NDST3: variants seen among roughly 807,000 people sequenced by gnomAD.
NDST3 encodes N-deacetylase and N-sulfotransferase 3, also known as bifunctional heparan sulfate N-deacetylase/N-sulfotransferase 3.
In NDST3, 58 loss-of-function variants were observed where a neutral mutation model predicts 96.1. The observed-to-expected ratio is 0.60, with a 90% confidence interval of 0.49 to 0.75. NDST3 has a LOEUF of 0.75. Among genes scored for constraint, NDST3 ranks in the 30% least tolerant of loss-of-function variants. The probability of loss-of-function intolerance (pLI) is 0.00; values close to 1 mark genes in which losing one functional copy is unlikely to be tolerated. For synonymous variants in NDST3, 333 were observed against 359.7 expected, an observed-to-expected ratio of 0.93 and a Z score of 0.84; for missense variants, 788 against 1,034.2, an observed-to-expected ratio of 0.76 and a Z score of 3.27.
chr4:118,131,749 C>T (rs1732634223), intron 4 of NDST3, among the ~76,000 whole-genome samples: 1 of 151,826 alleles, frequency 6.6e-6, no homozygotes, highest in Non-Finnish European at 1.5e-5. Flanking sequence ...GAAGGCTTTT[C>T]AGATATTTGA....
At chr4:118,137,937 C>T in intron 4 of NDST3, 117 bp from the exon 5 acceptor site, 1 of 866,710 alleles carries the variant, frequency 1.2e-6, no homozygotes, top group Non-Finnish European at 1.7e-6. Context: ...TTTTACCACA[C>T]AATTAAGTAA....
chr4:118,107,086 T>C (rs1380044221), intron 3 of NDST3, among the ~76,000 whole-genome samples: 4 of 148,550 alleles, frequency 2.7e-5, no homozygotes, highest in African/African-American at 7.4e-5. Context: ...CGAGACTCCA[T>C]CTCAAAATAA....
rs143310405 is a variant in NDST3, at chr4:118,157,960, T to C, written c.1539+14276T>C. On this transcript the variant is annotated intron_variant, in intron 6 of 13. Transcript: ENST00000296499. ...AAGTCTGCATGGAAAATATAAACTT[T>C]ATTAATAAATTTTTGTTGAATTATG... 3.4e-3 allele frequency among the ~76,000 whole-genome samples: 516 copies of C among 152,274 alleles called. 2 individuals are homozygous for C. The highest frequency in any genetic ancestry group is 0.011 in the African/African-American group (473 of 41,560).
intron 2 of NDST3, among the ~76,000 whole-genome samples, chr4:118,102,289 A>G (rs1461844864): frequency 6.6e-6 from 1 of 152,060 alleles, no homozygotes; most frequent in Non-Finnish European, 1.5e-5. Flanking sequence ...GTAGACATCT[A>G]TGTTCTTAGG....
intron 12 of NDST3, among the ~76,000 whole-genome samples, chr4:118,246,270 C>A (rs1741302084): frequency 6.6e-6 from 1 of 152,152 alleles, no homozygotes; most frequent in Non-Finnish European, 1.5e-5. Flanking sequence ...TCCATTCTCA[C>A]GCTGCTATGA....
At chr4:118,062,229 T>A (rs1365454149) in intron 2 of NDST3, among the ~76,000 whole-genome samples, 2 of 152,166 alleles carry the variant, frequency 1.3e-5, no homozygotes, top group Non-Finnish European at 2.9e-5. Flanking sequence ...TTTTATGCAT[T>A]GTAAATGTCT....
intron 4 of NDST3, among the ~76,000 whole-genome samples, chr4:118,135,862 G>A (rs1021412133): frequency 3.3e-5 from 5 of 152,166 alleles, no homozygotes; most frequent in Non-Finnish European, 5.9e-5. Flanking sequence ...CTGGGAAACA[G>A]TGAGATCCCG....
At chr4:118,143,145 T>C (rs1012315014) in intron 5 of NDST3, among the ~76,000 whole-genome samples, 11 of 152,216 alleles carry the variant, frequency 7.2e-5, no homozygotes, top group Admixed American at 2.6e-4. Flanking sequence ...TGGCAGAATT[T>C]GGCAGAAAAT....
At chr4:118,235,763 C>A (rs569415217) in intron 9 of NDST3, among the ~76,000 whole-genome samples, 5 of 152,180 alleles carry the variant, frequency 3.3e-5, no homozygotes, top group Non-Finnish European at 7.3e-5. Flanking sequence ...GAACAAATAG[C>A]ACATCAAACC....
At chr4:118,198,977 C>G (rs149395757) in intron 6 of NDST3, among the ~76,000 whole-genome samples, 114 of 152,214 alleles carry the variant, frequency 7.5e-4, no homozygotes, top group Middle Eastern at 6.8e-3. Flanking sequence ...CTTTTTGGAA[C>G]CTTTTTTTAT....
chr4:118,089,982 A>G (rs962380809), intron 2 of NDST3, among the ~76,000 whole-genome samples: 2 of 151,934 alleles, frequency 1.3e-5, no homozygotes, highest in Non-Finnish European at 2.9e-5. Flanking sequence ...ACCTAAGAGG[A>G]AAAGGCACAA....
chr4:118,210,780 A>G (rs1345215677), intron 6 of NDST3, among the ~76,000 whole-genome samples: 3 of 151,606 alleles, frequency 2.0e-5, no homozygotes, highest in African/African-American at 4.8e-5. Flanking sequence ...ATCTCAAAAA[A>G]AAAAAAAAAA....
chr4:118,222,000 A>C (rs1166458009), intron 6 of NDST3, among the ~76,000 whole-genome samples: 7 of 151,686 alleles, frequency 4.6e-5, no homozygotes. Flanking sequence ...TCTAAAAAAA[A>C]AAAAACAAAA....
chr4:118,048,060 A>T (rs1724871122), intron 1 of NDST3, among the ~76,000 whole-genome samples: 1 of 152,194 alleles, frequency 6.6e-6, no homozygotes, highest in South Asian at 2.1e-4. Context: ...ACCAGAAGAG[A>T]TTGAGAGCCT....
chr4:118,151,359 C>A (rs1218066381), intron 6 of NDST3, among the ~76,000 whole-genome samples: 1 of 151,836 alleles, frequency 6.6e-6, no homozygotes, highest in Non-Finnish European at 1.5e-5. Context: ...GCATATTGTG[C>A]ACATGTACCC....
At chr4:118,056,565 A>C (rs1725448112) in intron 2 of NDST3, among the ~76,000 whole-genome samples, 1 of 152,026 alleles carries the variant, frequency 6.6e-6, no homozygotes, top group Non-Finnish European at 1.5e-5. Flanking sequence ...AATTTACTAC[A>C]GTCAATTGCC....
chr4:118,118,409 A>G (rs1293527078), intron 4 of NDST3, among the ~76,000 whole-genome samples: 1 of 152,208 alleles, frequency 6.6e-6, no homozygotes, highest in Non-Finnish European at 1.5e-5. Context: ...AGAATTTCCG[A>G]GACTGTGATC....
intron 1 of NDST3, among the ~76,000 whole-genome samples, chr4:118,052,174 C>T (rs189564982): frequency 5.1e-4 from 78 of 152,034 alleles, no homozygotes; most frequent in Non-Finnish European, 9.9e-4. Flanking sequence ...AAATGTGGTA[C>T]AAATACACCA....
chr4:118,252,257 A>C (rs1439059361), intron 12 of NDST3, among the ~76,000 whole-genome samples: 1 of 152,224 alleles, frequency 6.6e-6, no homozygotes, highest in African/African-American at 2.4e-5. Flanking sequence ...TAATAATATA[A>C]AACCTACTTG....
Sources: allele counts gnomAD v4.1 joint callset (sites outside exome capture counted in the v4.1 genomes callset), GRCh38; gene constraint gnomAD v4.1.1; transcripts MANE v1.5; gene names NCBI Gene and HGNC (gene_info 2026-07-23, HGNC 2026-07-21).